AGFG1: variants seen among roughly 807,000 people sequenced by gnomAD.
AGFG1 encodes ArfGAP with FG repeats 1, also known as arf-GAP domain and FG repeat-containing protein 1.
Under a neutral mutation model 60.6 loss-of-function variants are expected in AGFG1, and 10 were observed. The ratio of observed to expected loss-of-function variants is 0.16; its 90% CI spans 0.10 to 0.28. The LOEUF is 0.28. AGFG1 is among the 10% of genes least tolerant of loss of function. AGFG1 has a pLI of 1.00. For missense variants in AGFG1, 537 were observed against 676.5 expected (o/e 0.79, Z 2.29); for synonymous variants, 247 against 242.9 (o/e 1.02, Z -0.16).
chr2:227,519,027 A>G (rs1449764338), intron 2 of AGFG1, among the ~76,000 whole-genome samples: 1 of 152,166 alleles, frequency 6.6e-6, no homozygotes, highest in Non-Finnish European at 1.5e-5. Flanking sequence ...ACAAAAAATT[A>G]GCCACCTGTG....
intron 2 of AGFG1, among the ~76,000 whole-genome samples, chr2:227,515,474 A>G (rs1370873762): frequency 1.3e-5 from 2 of 152,230 alleles, no homozygotes; most frequent in East Asian, 1.9e-4. Context: ...TTTTGGGACA[A>G]TCATCAGCAT....
chr2:227,497,161 C>G (rs1690997541), intron 2 of AGFG1, among the ~76,000 whole-genome samples: 1 of 147,130 alleles, frequency 6.8e-6, no homozygotes, highest in Admixed American at 7.2e-5. Context: ...AATTCACCCC[C>G]TCTTCCCCCC....
At chr2:227,514,443 C>T (rs1169375280) in intron 2 of AGFG1, among the ~76,000 whole-genome samples, 2 of 152,134 alleles carry the variant, frequency 1.3e-5, no homozygotes, top group Non-Finnish European at 2.9e-5. Context: ...GTCTTTACCT[C>T]CTGACCCCGC....
In AGFG1 at chr2:227,557,622, CTAA is replaced by C. The variant is rs1398735476; in HGVS notation, c.*3131_*3133del. On this transcript the variant is annotated 3_prime_UTR_variant, in exon 13 of 13. Coordinates refer to ENST00000310078, the MANE Select transcript of AGFG1 (RefSeq NM_004504.5). ...TTTATTTAAGTATAACAGTAATAAACTAATAACTTGCTAACATAAATACCATTT... is the reference window on the plus strand; with the variant it reads ...TTTATTTAAGTATAACAGTAATAAACTAACTTGCTAACATAAATACCATTT... 1 of 152,092 alleles carries C rather than the reference CTAA, an allele frequency of 6.6e-6. No homozygotes were observed. Among genetic ancestry groups the C allele is most frequent in the African/African-American group, 2.4e-5 (1 of 41,422 alleles). 9.4% of individuals were successfully genotyped at this position (152,092 alleles called of 1,614,324 possible).
chr2:227,490,317 G>A (rs1191517049), intron 1 of AGFG1, among the ~76,000 whole-genome samples: 3 of 152,056 alleles, frequency 2.0e-5, no homozygotes, highest in Non-Finnish European at 2.9e-5. Flanking sequence ...GGTCGCTCAC[G>A]CCTGTAATCC....
chr2:227,541,392 C>A (rs934500758), intron 10 of AGFG1, among the ~76,000 whole-genome samples: 19 of 152,146 alleles, frequency 1.2e-4, no homozygotes, highest in Non-Finnish European at 2.5e-4. Flanking sequence ...GGAAGGGATC[C>A]AATTTCAGCT....
At chr2:227,544,345 G>A (rs1225245347) in intron 10 of AGFG1, among the ~76,000 whole-genome samples, 1 of 151,850 alleles carries the variant, frequency 6.6e-6, no homozygotes, top group East Asian at 1.9e-4. Flanking sequence ...TAGTAGAGAC[G>A]GGATTTCACC....
At chr2:227,502,254 T>C (rs1273548884) in intron 2 of AGFG1, among the ~76,000 whole-genome samples, 2 of 152,236 alleles carry the variant, frequency 1.3e-5, no homozygotes, top group Admixed American at 1.3e-4. Flanking sequence ...TAAATTATAA[T>C]TTGTTCATTC....
chr2:227,543,043 CTCTTT>C (rs1692538561), intron 10 of AGFG1, among the ~76,000 whole-genome samples: 1 of 152,030 alleles, frequency 6.6e-6, no homozygotes, highest in South Asian at 2.1e-4. Context: ...TGATTCTTCT[CTCTTT>C]TCTTCTTTAT....
chr2:227,507,396 A>T (rs564731953), intron 2 of AGFG1, among the ~76,000 whole-genome samples: 16 of 152,072 alleles, frequency 1.1e-4, no homozygotes, highest in Non-Finnish European at 1.8e-4. Flanking sequence ...AGGTCAGGAG[A>T]TCGAGACCAT....
At chr2:227,473,230 C>T (rs1205488275) in intron 1 of AGFG1, among the ~76,000 whole-genome samples, 1 of 152,028 alleles carries the variant, frequency 6.6e-6, no homozygotes, top group African/African-American at 2.4e-5. Context: ...TGTGAATCCC[C>T]TGGGAAAAGT....
At chr2:227,507,182 A>T (rs1157472212) in intron 2 of AGFG1, among the ~76,000 whole-genome samples, 2 of 151,992 alleles carry the variant, frequency 1.3e-5, no homozygotes, top group East Asian at 1.9e-4. Flanking sequence ...AAAAAAAAAA[A>T]TTTAATAATA....
intron 2 of AGFG1, among the ~76,000 whole-genome samples, chr2:227,496,741 C>T (rs1031439989): frequency 6.6e-6 from 1 of 152,116 alleles, no homozygotes; most frequent in African/African-American, 2.4e-5. Flanking sequence ...TATTTCTTGT[C>T]AGATAGTATT....
At chr2:227,524,031 C>A in intron 4 of AGFG1, 106 bp downstream of exon 4, 2 of 1,081,126 alleles carry the variant, frequency 1.8e-6, no homozygotes, top group South Asian at 1.9e-5. Flanking sequence ...ATGCCAGTAG[C>A]ATTATGTTCC....
intron 2 of AGFG1, among the ~76,000 whole-genome samples, chr2:227,504,494 A>G (rs557318360): frequency 6.6e-6 from 1 of 152,294 alleles, no homozygotes; most frequent in Admixed American, 6.5e-5. Flanking sequence ...TGCCCAGCCA[A>G]CTTGGTGTAA....
At position 227,529,605 on chromosome 2, in the gene AGFG1, A is replaced by G. The variant is rs541753448; in HGVS notation, c.695-1486A>G. ...TTGGGTTCAGAAAAAGTCATCTTCTACAGAAAGACGCATGAAGCTAGAAAT... is the reference window on the plus strand; with the variant it reads ...TTGGGTTCAGAAAAAGTCATCTTCTGCAGAAAGACGCATGAAGCTAGAAAT... On this transcript the variant is annotated intron_variant, in intron 5 of 12. Transcript: ENST00000310078. Among the ~76,000 whole-genome samples the G allele has an allele frequency of 1.3e-4, 20 of 152,214 alleles. No homozygotes were observed. The South Asian group carries it at 4.1e-3, about 32-fold the overall frequency.
chr2:227,529,049 T>G (rs1692081053), intron 5 of AGFG1, among the ~76,000 whole-genome samples: 1 of 152,112 alleles, frequency 6.6e-6, no homozygotes, highest in Non-Finnish European at 1.5e-5. Context: ...CAGATTACCT[T>G]TTTTTTCTTT....
At chr2:227,537,863 T>G (rs1028606860) in intron 10 of AGFG1, among the ~76,000 whole-genome samples, 5 of 152,200 alleles carry the variant, frequency 3.3e-5, no homozygotes, top group African/African-American at 1.2e-4. Flanking sequence ...ATCAAACCAT[T>G]AAGAATTACT....
intron 2 of AGFG1, among the ~76,000 whole-genome samples, chr2:227,518,190 T>C (rs1272625315): frequency 6.6e-6 from 1 of 152,218 alleles, no homozygotes; most frequent in Admixed American, 6.5e-5. Flanking sequence ...TCCCATTTGT[T>C]TATTCACTTG....
Sources: gnomAD v4.1 joint callset for allele counts (sites outside exome capture counted in the v4.1 genomes callset) on GRCh38, gnomAD v4.1.1 for gene constraint, MANE v1.5 for transcripts, NCBI Gene and HGNC (gene_info 2026-07-23, HGNC 2026-07-21) for gene names.